The following TFEC variants were observed in gnomAD, a reference collection of about 807,000 sequenced individuals.
TFEC encodes transcription factor EC.
Under a neutral mutation model 41.6 loss-of-function variants are expected in TFEC, and 31 were observed. The observed-to-expected ratio is 0.74, with a 90% CI of 0.56 to 1.01. The LOEUF is 1.01. Ranked by LOEUF, TFEC falls within the 50% of genes least tolerant of loss-of-function variation. The pLI is 0.00. For missense variants in TFEC, 402 were observed against 404.1 expected, an observed-to-expected ratio of 0.99 and a Z score of 0.04; for synonymous variants, 143 against 140.6, an observed-to-expected ratio of 1.02 and a Z score of -0.12.
intron 3 of TFEC, among the ~76,000 whole-genome samples, chr7:115,959,196 T>C (rs1313064131): frequency 6.6e-6 from 1 of 151,688 alleles, no homozygotes; most frequent in Admixed American, 6.6e-5. Context: ...TAACAAAAAA[T>C]TCACAAACTT....
chr7:116,085,053 A>G (rs1159469855), intron 3 of TFEC, among the ~76,000 whole-genome samples: 1 of 151,870 alleles, frequency 6.6e-6, no homozygotes, highest in Non-Finnish European at 1.5e-5. Context: ...AACGTATAGG[A>G]CCATCAACTT....
chr7:115,943,965 T>TA (rs1413492183), intron 6 of TFEC, among the ~76,000 whole-genome samples: 4 of 140,288 alleles, frequency 2.9e-5, no homozygotes, highest in African/African-American at 7.8e-5. Context: ...AAAATAATTT[T>TA]AAAAAAAGAT....
chr7:116,059,483 C>T (rs576332491), intron 3 of TFEC, among the ~76,000 whole-genome samples: 2 of 151,926 alleles, frequency 1.3e-5, no homozygotes, highest in African/African-American at 4.8e-5. Flanking sequence ...CTTCTTCCCC[C>T]ACTCACTCTA....
chr7:116,149,683 T>C (rs1199075079), intron 1 of TFEC, among the ~76,000 whole-genome samples: 1 of 152,158 alleles, frequency 6.6e-6, no homozygotes, highest in Non-Finnish European at 1.5e-5. Flanking sequence ...AAAATATTTA[T>C]TAGCAAATGA....
At chr7:116,141,082 C>T (rs1423715248) in intron 1 of TFEC, among the ~76,000 whole-genome samples, 2 of 152,076 alleles carry the variant, frequency 1.3e-5, no homozygotes, top group African/African-American at 2.4e-5. Flanking sequence ...TAAACAGATG[C>T]ATACCTATTA....
chr7:116,069,225 G>A lies in TFEC; in HGVS notation c.198+41483C>T, dbSNP rs1488203149. ...TGGCAAAATTGATTAGAAGAATAGA[G>A]GAGACATAAACAATATGATGTATTT... is the stretch of plus-strand genomic sequence containing the variant. On this transcript the variant is annotated intron_variant, in intron 3 of 8. Coordinates refer to the TFEC transcript ENST00000484212. Among the ~76,000 whole-genome samples, 16 of 151,322 alleles carry A rather than the reference G, an allele frequency of 1.1e-4. 1 individual carries two copies. Among genetic ancestry groups the A allele is most frequent in the Admixed American group, 1.1e-3 (16 of 15,156 alleles).
chr7:116,034,542 T>C (rs1021451393), upstream of TFEC, among the ~76,000 whole-genome samples: 1 of 152,148 alleles, frequency 6.6e-6, no homozygotes, highest in Admixed American at 6.6e-5. Flanking sequence ...CAAACCCACC[T>C]GGAATTTATC....
chr7:116,071,911 CAGT>C (rs1294207853), intron 3 of TFEC, among the ~76,000 whole-genome samples: 1 of 151,266 alleles, frequency 6.6e-6, no homozygotes, highest in Admixed American at 6.6e-5. Flanking sequence ...TTAGTAGTAA[CAGT>C]AGTATTACTT....
intron 3 of TFEC, among the ~76,000 whole-genome samples, chr7:116,049,339 G>A (rs1358852123): frequency 6.6e-6 from 1 of 152,152 alleles, no homozygotes; most frequent in Non-Finnish European, 1.5e-5. Flanking sequence ...CCTAGTCTCT[G>A]ATAAAACAGA....
intron 3 of TFEC, among the ~76,000 whole-genome samples, chr7:116,071,357 A>T (rs145703431): frequency 6.0e-5 from 9 of 151,116 alleles, no homozygotes. Context: ...GTTAAAAAAA[A>T]AAAACCTGAA....
chr7:115,969,618 G>C (rs1041452328), intron 3 of TFEC, among the ~76,000 whole-genome samples: 2 of 151,886 alleles, frequency 1.3e-5, no homozygotes, highest in Non-Finnish European at 2.9e-5. Flanking sequence ...TAAAGTGTCT[G>C]GATTATATTC....
rs1438963192 is a variant in TFEC, at chr7:115,937,739, A to C, written c.*2812T>G. 4.6e-5 allele frequency: 7 copies of C among 151,784 alleles called. No individual in the cohort carries two copies. Among genetic ancestry groups the C allele is most frequent in the African/African-American group, 7.2e-5 (3 of 41,406 alleles). 9.4% of individuals were successfully genotyped at this position (151,784 alleles called of 1,614,324 possible). On this transcript the variant is annotated 3_prime_UTR_variant, in exon 8 of 8. Transcript: ENST00000265440. ...TATTTAGATAAGTAAGGGTCCCCCC[A>C]TTGTTATACATGACATTAACCGCAC...
Position 116,130,044 on chromosome 7 carries a change from G to GC in TFEC, c.-68-18007_-68-18006insG, listed in dbSNP as rs1460064681. On this transcript the variant is annotated intron_variant, in intron 1 of 8. Transcript: ENST00000484212. ...TATATTCCTGCCACCAAACATGCAA[G>GC]AACACACACACACACACACACACAC... is the stretch of plus-strand genomic sequence containing the variant. Among the ~76,000 whole-genome samples the GC allele has an allele frequency of 2.5e-4, 19 of 76,000 alleles. 1 individual carries two copies. Among genetic ancestry groups the GC allele is most frequent in the Middle Eastern group, 0.014 (2 of 140 alleles). The allele number at this position is 76,000 out of a possible 152,430, so 49.9% of individuals were successfully genotyped here. A position where few individuals can be genotyped will look rare whatever the true frequency, so the allele number is the denominator to read the frequency against.
intron 1 of TFEC, among the ~76,000 whole-genome samples, chr7:115,996,023 C>T (rs1477998778): frequency 3.3e-5 from 5 of 152,144 alleles, no homozygotes; most frequent in African/African-American, 1.2e-4. Flanking sequence ...ATCTGCAATT[C>T]CCAAGCAAGT....
chr7:116,101,858 A>C (rs750533937), intron 3 of TFEC, among the ~76,000 whole-genome samples: 2 of 152,226 alleles, frequency 1.3e-5, no homozygotes, highest in Non-Finnish European at 2.9e-5. Context: ...TTTGCCATTC[A>C]GTAATGTCTG....
chr7:116,135,609 A>G (rs758628454), intron 1 of TFEC, among the ~76,000 whole-genome samples: 15 of 152,118 alleles, frequency 9.9e-5, no homozygotes, highest in Non-Finnish European at 2.1e-4. Flanking sequence ...TTAAACACAG[A>G]GAGGTCTTTC....
rs546563726 is a variant in TFEC, at chr7:116,092,704, G to A, written c.198+18004C>T. On this transcript the variant is annotated intron_variant, in intron 3 of 8. Transcript: ENST00000484212. ...TTAATACATTTAATTAATTTGTTTG[G>A]GCATTCTCCACCAACTACACAAGGC... 5.9e-5 allele frequency among the ~76,000 whole-genome samples: 9 copies of A among 152,122 alleles called. No individual in the cohort carries two copies. The East Asian group carries it at 1.7e-3, about 29-fold the overall frequency.
chr7:116,042,069 A>G (rs1362418898), intron 3 of TFEC, among the ~76,000 whole-genome samples: 1 of 152,178 alleles, frequency 6.6e-6, no homozygotes, highest in Non-Finnish European at 1.5e-5. Context: ...TTTAAAGAAA[A>G]AAAAACAGGT....
intron 3 of TFEC, among the ~76,000 whole-genome samples, chr7:115,970,082 A>G (rs563399584): frequency 1.6e-4 from 25 of 152,114 alleles, no homozygotes; most frequent in Admixed American, 3.3e-4. Context: ...AGATGTGTTG[A>G]TGTTACCTAT....
Sources: gnomAD v4.1 joint callset for allele counts (sites outside exome capture counted in the v4.1 genomes callset) on GRCh38, gnomAD v4.1.1 for gene constraint, MANE v1.5 for transcripts, NCBI Gene and HGNC (gene_info 2026-07-23, HGNC 2026-07-21) for gene names.